FYCO1: variants seen among roughly 807,000 people sequenced by gnomAD.
The protein encoded by FYCO1 is FYVE and coiled-coil domain-containing protein 1.
Under a neutral mutation model 165.1 loss-of-function variants are expected in FYCO1, and 122 were observed. The ratio of observed to expected loss-of-function variants is 0.74; its 90% CI spans 0.64 to 0.86. The LOEUF (loss-of-function observed/expected upper bound fraction) is 0.86. Ranked by LOEUF, FYCO1 falls within the 40% of genes least tolerant of loss-of-function variation. FYCO1 has a pLI of 0.00. For synonymous variants in FYCO1, 648 were observed against 742.5 expected (o/e 0.87, Z 2.07); for missense variants, 1,702 against 1,810.3 (o/e 0.94, Z 1.09).
rs1706299149 is a variant in FYCO1, at chr3:45,969,525, G to A, written c.630+150C>T. On this transcript the variant is annotated intron_variant, in intron 7 of 17. Coordinates refer to ENST00000296137, the MANE Select transcript of FYCO1 (RefSeq NM_024513.4). ...AGATTCTATTTGGTTGAAAAACCCA[G>A]ACTCCCGGGAACAGCAGCCATAACT... is the stretch of plus-strand genomic sequence containing the variant. 3 of 644,902 alleles carry A rather than the reference G, an allele frequency of 4.7e-6. No homozygotes were observed. The East Asian group carries it at 8.4e-5, about 18-fold the overall frequency. The allele number at this position is 644,902 out of a possible 1,614,324, so 39.9% of individuals were successfully genotyped here.
At chr3:45,958,785 C>G (rs1408883444) in intron 12 of FYCO1, 166 bp from the exon 13 acceptor site, 2 of 717,540 alleles carry the variant, frequency 2.8e-6, no homozygotes, top group Admixed American at 2.0e-5. Context: ...TCCAACAAAG[C>G]CTTCTTGTCA....
At position 45,919,518 on chromosome 3, in the gene FYCO1, T is replaced by A. The variant is rs1233743570; in HGVS notation, c.*2247A>T. On this transcript the variant is annotated 3_prime_UTR_variant, in exon 18 of 18. Transcript: ENST00000296137. Reference sequence around the variant, plus strand: ...AAAACATCCAGCTCTCCTGGAGGAGTGGTTCTGGGTAAGCTGCAACCGGTC... The same window carrying A: ...AAAACATCCAGCTCTCCTGGAGGAGAGGTTCTGGGTAAGCTGCAACCGGTC... 1.3e-5 allele frequency: 2 copies of A among 151,654 alleles called. No individual in the cohort carries two copies. The highest frequency in any genetic ancestry group is 2.9e-5 in the Non-Finnish European group (2 of 67,956). The allele number at this position is 151,654 out of a possible 1,614,324, so 9.4% of individuals were successfully genotyped here.
chr3:45,973,022 T>C (rs1706529990), intron 6 of FYCO1, 66 bp downstream of exon 6: 1 of 1,565,226 alleles, frequency 6.4e-7, no homozygotes, highest in Admixed American at 1.7e-5. Flanking sequence ...AGTAGACTGG[T>C]GGCAATCTTC....
At chr3:45,986,066 A>G (rs1012373048) in intron 1 of FYCO1, among the ~76,000 whole-genome samples, 3 of 152,252 alleles carry the variant, frequency 2.0e-5, no homozygotes. Flanking sequence ...GGTGGAGCAG[A>G]TAACATCGTC....
chr3:45,938,370 G>A (rs961435734), intron 14 of FYCO1: 2 of 465,986 alleles, frequency 4.3e-6, no homozygotes, highest in African/African-American at 4.1e-5. Context: ...GACCCATTTA[G>A]TGGGCTGTGA....
chr3:45,972,928 C>T (rs1466935362), intron 6 of FYCO1, among the ~76,000 whole-genome samples, 160 bp downstream of exon 6: 1 of 152,220 alleles, frequency 6.6e-6, no homozygotes, highest in African/African-American at 2.4e-5. Flanking sequence ...TATTGTTAGT[C>T]ATGATTCAAC....
At chr3:45,924,022 T>A (rs1051226399) in intron 16 of FYCO1, among the ~76,000 whole-genome samples, 6 of 152,142 alleles carry the variant, frequency 3.9e-5, no homozygotes, top group Non-Finnish European at 7.4e-5. Context: ...TCCCCTAGCC[T>A]TGAACATAGA....
At chr3:45,925,220 G>A (rs973976280) in intron 16 of FYCO1, among the ~76,000 whole-genome samples, 8 of 150,060 alleles carry the variant, frequency 5.3e-5, no homozygotes, top group African/African-American at 2.0e-4. Context: ...GAGCCACGGC[G>A]CCCAGCCCTT....
intron 14 of FYCO1, chr3:45,946,485 G>T: frequency 6.2e-7 from 1 of 1,611,880 alleles, no homozygotes; most frequent in East Asian, 2.2e-5. Context: ...AGACACCATG[G>T]CAGAGCATGA....
chr3:45,966,658 A>G lies in FYCO1; in HGVS notation c.2676T>C (p.Ala892=). 6.2e-7 allele frequency: 1 copy of G among 1,614,126 alleles called. No homozygotes were observed. Among genetic ancestry groups the G allele is most frequent in the Non-Finnish European group, 8.5e-7 (1 of 1,180,032 alleles). The change falls in exon 8 of 18, where the codon GCT becomes GCC. Residue 892 remains alanine, a synonymous_variant. Coordinates refer to ENST00000296137, the MANE Select transcript of FYCO1 (RefSeq NM_024513.4). ...CCCGGTGCAGCTGCTCTTGCAGCTC[A>G]GCGTGCTCCAGCTGTGCTTCCTCGG... ...CSSEEAQLEH[A]ELQEQLHRAN...
intron 14 of FYCO1, chr3:45,946,752 G>T (rs1559449133): frequency 1.9e-6 from 3 of 1,614,108 alleles, no homozygotes; most frequent in Non-Finnish European, 2.5e-6. Flanking sequence ...GGCCTATGCA[G>T]GCATCCATGA....
In FYCO1 at chr3:45,968,363, A is replaced by G; in HGVS notation, c.971T>C (p.Leu324Pro). ...ELQTCLQGLE[L>P]GAAEKEEDYH... ...GTCCTCCTCCTTCTCTGCTGCTCCT[A>G]GCTCCAGGCCCTGCAGGCATGTCTG... is the stretch of plus-strand genomic sequence containing the variant. The change falls in exon 8 of 18, where the codon CTA becomes CCA. Residue 324 changes from leucine (L) to proline (P), a missense_variant. Physicochemically the swap from Leu to Pro is moderately conservative, Grantham distance 98. Coordinates refer to ENST00000296137, the MANE Select transcript of FYCO1 (RefSeq NM_024513.4). 6.2e-7 allele frequency: 1 copy of G among 1,613,544 alleles called. No homozygotes were observed. Among genetic ancestry groups the G allele is most frequent in the Non-Finnish European group, 8.5e-7 (1 of 1,179,940 alleles).
At position 45,921,379 on chromosome 3, in the gene FYCO1, G is replaced by C; in HGVS notation, c.*386C>G. The C allele has an allele frequency of 3.0e-6, 1 of 332,212 alleles. No individual in the cohort carries two copies. The highest frequency in any genetic ancestry group is 1.1e-3 in the Middle Eastern group (1 of 922). 20.6% of individuals were successfully genotyped at this position (332,212 alleles called of 1,614,324 possible). ...ACATGCAGGGCCCTGGTGGGGCAGG[G>C]CAGAAAATCTCTCCACAGGCAGAAG... On this transcript the variant is annotated 3_prime_UTR_variant, in exon 18 of 18. Transcript: ENST00000296137.
intron 14 of FYCO1, among the ~76,000 whole-genome samples, chr3:45,950,375 G>T (rs1704931149): frequency 6.6e-6 from 1 of 152,134 alleles, no homozygotes. Context: ...TCTGAGATGT[G>T]GGGAACACAA....
Position 45,966,958 on chromosome 3 carries a change from C to G in FYCO1, c.2376G>C (p.Val792=), listed in dbSNP as rs1191665149. 6.2e-7 allele frequency: 1 copy of G among 1,613,516 alleles called. No individual in the cohort carries two copies. Among genetic ancestry groups the G allele is most frequent in the Non-Finnish European group, 8.5e-7 (1 of 1,180,040 alleles). The change falls in exon 8 of 18, where the codon GTG becomes GTC. Residue 792 remains valine (V), a synonymous_variant. Transcript: ENST00000296137. ...CCCGCATCTTGGCCTGGAGGTCCAC[C>G]ACCTGAGCCTGCAGCCGTTGGACCT... is the stretch of plus-strand genomic sequence containing the variant. ...QGEVQRLQAQ[V]VDLQAKMRAA...
rs746038218 is a variant in FYCO1 at position 45,969,739 on chromosome 3, G to T, written c.566C>A (p.Ala189Asp). Residue 189 changes from alanine to aspartate, a missense_variant, in exon 7 of 18, where the codon GCT becomes GAT. Physicochemically the swap from Ala to Asp is moderately radical, Grantham distance 126. Transcript: ENST00000296137. ...ARRTLTTGSS[A>D]YLWKPPSRSS... ...GCGGCTAGGGGGTTTCCACAGGTAA[G>T]CAGAAGAGCCAGTGGTCAGCGTCCT... 6 of 1,613,860 alleles carry T rather than the reference G, an allele frequency of 3.7e-6. No homozygotes were observed. The East Asian group carries it at 1.3e-4, about 36-fold the overall frequency.
Position 45,921,698 on chromosome 3 carries a change from C to A in FYCO1, c.*67G>T. The A allele has an allele frequency of 9.0e-7, 1 of 1,105,172 alleles. No individual in the cohort carries two copies. Among genetic ancestry groups the A allele is most frequent in the Non-Finnish European group, 1.4e-6 (1 of 716,674 alleles). The allele number at this position is 1,105,172 out of a possible 1,614,324, so 68.5% of individuals were successfully genotyped here. A position where few individuals can be genotyped will look rare whatever the true frequency, so the allele number is the denominator to read the frequency against. ...GAGCAGCTGACTTTTTAAAAAAATG[C>A]TTTATGTGACAGGTGAGGAAGAGCA... On this transcript the variant is annotated 3_prime_UTR_variant, in exon 18 of 18. Coordinates refer to ENST00000296137, the MANE Select transcript of FYCO1 (RefSeq NM_024513.4).
chr3:45,983,439 C>T (rs1253719486), intron 2 of FYCO1, among the ~76,000 whole-genome samples: 13 of 152,194 alleles, frequency 8.5e-5, no homozygotes, highest in Admixed American at 8.5e-4. Context: ...TCAAGAATTC[C>T]CACCAAAGTG....
intron 15 of FYCO1, among the ~76,000 whole-genome samples, chr3:45,932,079 T>C (rs534309501): frequency 1.3e-5 from 2 of 152,294 alleles, no homozygotes; most frequent in Admixed American, 1.3e-4. Flanking sequence ...CTCAGTTTCT[T>C]CATCTGCCAA....
Sources: gnomAD v4.1 joint callset for allele counts (sites outside exome capture counted in the v4.1 genomes callset) on GRCh38, gnomAD v4.1.1 for gene constraint, MANE v1.5 for transcripts, NCBI Gene and HGNC (gene_info 2026-07-23, HGNC 2026-07-21) for gene names.